NCAM2: variants seen among roughly 807,000 people sequenced by gnomAD.
NCAM2 encodes the protein N-CAM-2.
Under a neutral mutation model 98.1 loss-of-function variants are expected in NCAM2, and 30 were observed. The observed-to-expected ratio is 0.31, with a 90% CI of 0.23 to 0.41. NCAM2 has a LOEUF of 0.41. Ranked by LOEUF, NCAM2 falls within the 10% of genes least tolerant of loss-of-function variation. The pLI is 1.00. For synonymous variants in NCAM2, 368 were observed against 342.4 expected, an observed-to-expected ratio of 1.07 and a Z score of -0.83; for missense variants, 867 against 1,005.8, an observed-to-expected ratio of 0.86 and a Z score of 1.87.
intron 17 of NCAM2, among the ~76,000 whole-genome samples, chr21:21,536,682 G>T (rs1990001142): frequency 6.6e-6 from 1 of 152,046 alleles, no homozygotes; most frequent in African/African-American, 2.4e-5. Context: ...GAGCCACTGC[G>T]CCTGGCCTGG....
chr21:21,328,533 T>C (rs1276021596), intron 6 of NCAM2, among the ~76,000 whole-genome samples: 1 of 151,634 alleles, frequency 6.6e-6, no homozygotes, highest in African/African-American at 2.4e-5. Flanking sequence ...TTGATATTGA[T>C]GATCCTGACC....
At chr21:21,143,714 C>T (rs959341947) in intron 1 of NCAM2, among the ~76,000 whole-genome samples, 36 of 150,266 alleles carry the variant, frequency 2.4e-4, no homozygotes, top group African/African-American at 8.5e-4. Flanking sequence ...TTGGTTTTTC[C>T]ATCTCTTCAT....
chr21:21,289,460 C>T (rs1321169007), intron 4 of NCAM2, among the ~76,000 whole-genome samples: 1 of 151,752 alleles, frequency 6.6e-6, no homozygotes, highest in Non-Finnish European at 1.5e-5. Context: ...AAGATGCCTG[C>T]CAGGAGGAAA....
At chr21:21,135,252 A>AAAG (rs1453284280) in intron 1 of NCAM2, among the ~76,000 whole-genome samples, 2 of 123,468 alleles carry the variant, frequency 1.6e-5, no homozygotes, top group Non-Finnish European at 3.4e-5. Flanking sequence ...TCTCAAAAAA[A>AAAG]AAAAAAAAAA....
chr21:21,145,643 A>G (rs2067256535), intron 1 of NCAM2, among the ~76,000 whole-genome samples: 2 of 152,314 alleles, frequency 1.3e-5, no homozygotes, highest in South Asian at 4.1e-4. Context: ...GAAGTGGGTA[A>G]GAGGATTATT....
chr21:21,516,150 A>C (rs1988699784), intron 16 of NCAM2, among the ~76,000 whole-genome samples: 1 of 152,078 alleles, frequency 6.6e-6, no homozygotes, highest in African/African-American at 2.4e-5. Flanking sequence ...TCCCCAAAGA[A>C]CCACATCTAC....
chr21:21,194,094 C>T lies in NCAM2; in HGVS notation c.56-86484C>T, dbSNP rs997921973. ...ACGTACAACCTACATTTAATCTTAT[C>T]GTTAGAAATACGTTCTTAATGTATA... On this transcript the variant is annotated intron_variant, in intron 1 of 17. Coordinates refer to ENST00000400546, the MANE Select transcript of NCAM2 (RefSeq NM_004540.5). 5.3e-5 allele frequency among the ~76,000 whole-genome samples: 8 copies of T among 152,140 alleles called. No individual in the cohort carries two copies. The East Asian group carries it at 1.2e-3, about 22-fold the overall frequency.
At chr21:21,010,847 A>G (rs926757826) in intron 1 of NCAM2, among the ~76,000 whole-genome samples, 2 of 152,152 alleles carry the variant, frequency 1.3e-5, no homozygotes, top group African/African-American at 2.4e-5. Flanking sequence ...ACCTCCCAGT[A>G]GAAACGCATG....
chr21:21,065,344 T>TC (rs940439836), intron 1 of NCAM2, among the ~76,000 whole-genome samples: 1 of 152,164 alleles, frequency 6.6e-6, no homozygotes, highest in African/African-American at 2.4e-5. Context: ...GTCTTTTTTT[T>TC]CCCACTTGAT....
chr21:21,312,507 C>T (rs1276955864), intron 5 of NCAM2, among the ~76,000 whole-genome samples: 2 of 151,486 alleles, frequency 1.3e-5, no homozygotes, highest in African/African-American at 2.4e-5. Context: ...ATCTATCCAA[C>T]CTAACACTTT....
At chr21:21,292,958 AG>A (rs1442894638) in intron 5 of NCAM2, among the ~76,000 whole-genome samples, 2 of 151,934 alleles carry the variant, frequency 1.3e-5, no homozygotes, top group Non-Finnish European at 2.9e-5. Flanking sequence ...CTTACATGAC[AG>A]CAGGCAAGAG....
chr21:21,351,117 C>CAAAA lies in NCAM2; in HGVS notation c.1044+12605_1044+12608dup, dbSNP rs61586915. On this transcript the variant is annotated intron_variant, in intron 8 of 17. Transcript: ENST00000400546. Reference sequence around the variant, plus strand: ...AGACAGAGAGAGCGAGACTCTGTCTCAAAAAAAAAAAAAAAAAAAAAAAAA... The same window carrying CAAAA: ...AGACAGAGAGAGCGAGACTCTGTCTCAAAAAAAAAAAAAAAAAAAAAAAAAAAAA... Among the ~76,000 whole-genome samples the CAAAA allele has an allele frequency of 8.5e-3, 715 of 83,692 alleles. 43 individuals are homozygous for CAAAA. The highest frequency in any genetic ancestry group is 0.034 in the African/African-American group (684 of 20,240). The allele number at this position is 83,692 out of a possible 152,430, so 54.9% of individuals were successfully genotyped here.
At chr21:21,043,324 A>C (rs79808176) in intron 1 of NCAM2, among the ~76,000 whole-genome samples, 15 of 152,300 alleles carry the variant, frequency 9.8e-5, no homozygotes, top group Admixed American at 9.2e-4. Context: ...TAGGATGAGT[A>C]ATTTAATCAT....
At chr21:21,431,662 T>C (rs962961364) in intron 11 of NCAM2, among the ~76,000 whole-genome samples, 1 of 152,156 alleles carries the variant, frequency 6.6e-6, no homozygotes, top group Non-Finnish European at 1.5e-5. Flanking sequence ...TTGTGGTGAA[T>C]GCAAAGAAAA....
At chr21:21,489,491 C>A (rs1258883968) in intron 15 of NCAM2, among the ~76,000 whole-genome samples, 1 of 151,618 alleles carries the variant, frequency 6.6e-6, no homozygotes, top group Non-Finnish European at 1.5e-5. Flanking sequence ...AAATTTTTGG[C>A]CATGAATGAA....
At chr21:21,535,829 A>G (rs1989951394) in intron 17 of NCAM2, among the ~76,000 whole-genome samples, 1 of 152,182 alleles carries the variant, frequency 6.6e-6, no homozygotes, top group African/African-American at 2.4e-5. Context: ...TTAATCACCA[A>G]TATAAAATAA....
chr21:21,014,865 G>A (rs1601093639), intron 1 of NCAM2, among the ~76,000 whole-genome samples: 3 of 152,112 alleles, frequency 2.0e-5, no homozygotes, highest in Admixed American at 2.0e-4. Flanking sequence ...TGTGGTTCAT[G>A]GGAGGAGGTC....
At chr21:21,061,622 A>T (rs1007871689) in intron 1 of NCAM2, among the ~76,000 whole-genome samples, 1 of 152,034 alleles carries the variant, frequency 6.6e-6, no homozygotes, top group Admixed American at 6.6e-5. Flanking sequence ...TTCTTTTTGA[A>T]TCTTTTCTTA....
At chr21:21,189,486 G>C (rs2146956334) in intron 1 of NCAM2, among the ~76,000 whole-genome samples, 1 of 152,254 alleles carries the variant, frequency 6.6e-6, no homozygotes, top group South Asian at 2.1e-4. Context: ...AGCACTTTGG[G>C]AGGCCAAGGC....
Sources: allele counts gnomAD v4.1 joint callset (sites outside exome capture counted in the v4.1 genomes callset), GRCh38; gene constraint gnomAD v4.1.1; transcripts MANE v1.5; gene names NCBI Gene and HGNC (gene_info 2026-07-23, HGNC 2026-07-21).